Variants in KCNS3 observed in about 807,000 individuals in gnomAD.
KCNS3 encodes the protein delayed-rectifier potassium channel regulatory subunit KCNS3.
Under a neutral mutation model 31.0 loss-of-function variants are expected in KCNS3, and 13 were observed. That is an observed-to-expected ratio of 0.42 (90% CI 0.27 to 0.67). The LOEUF is 0.67. Ranked by LOEUF, KCNS3 falls within the 30% of genes least tolerant of loss-of-function variation. The pLI, the probability that KCNS3 is intolerant of heterozygous loss-of-function variation, is 0.25. For missense variants in KCNS3, 545 were observed against 622.4 expected, an observed-to-expected ratio of 0.88 and a Z score of 1.32; for synonymous variants, 238 against 241.5, an observed-to-expected ratio of 0.99 and a Z score of 0.13.
chr2:17,879,235 T>G (rs1192662101), intron 1 of KCNS3: 1 of 152,146 alleles, frequency 6.6e-6, no homozygotes, highest in Non-Finnish European at 1.5e-5. Flanking sequence ...GGGCGTTTCC[T>G]TGGCCGGGAA....
At chr2:17,888,673 A>ATATATATATG (rs1209333974) in intron 1 of KCNS3, among the ~76,000 whole-genome samples, 2 of 135,818 alleles carry the variant, frequency 1.5e-5, no homozygotes, top group Non-Finnish European at 3.2e-5. Flanking sequence ...ATATATATAT[A>ATATATATATG]AAGAAAAGGG....
At chr2:17,917,232 C>T (rs1221571815) in intron 1 of KCNS3, among the ~76,000 whole-genome samples, 2 of 152,154 alleles carry the variant, frequency 1.3e-5, no homozygotes, top group Non-Finnish European at 2.9e-5. Context: ...CAAATTAGAG[C>T]AGCAGTGTTA....
chr2:17,911,813 G>C (rs575971897), intron 1 of KCNS3, among the ~76,000 whole-genome samples: 1 of 152,210 alleles, frequency 6.6e-6, no homozygotes, highest in Non-Finnish European at 1.5e-5. Context: ...GAATCATGGA[G>C]TTGTCACTTA....
intron 1 of KCNS3, among the ~76,000 whole-genome samples, chr2:17,902,332 G>A (rs1483440554): frequency 1.6e-5 from 2 of 127,822 alleles, no homozygotes; most frequent in African/African-American, 6.0e-5. Flanking sequence ...GAGGTTGGGA[G>A]ACTGTGTGTG....
At chr2:17,898,929 G>A (rs1662096327) in intron 1 of KCNS3, among the ~76,000 whole-genome samples, 1 of 152,100 alleles carries the variant, frequency 6.6e-6, no homozygotes, top group Non-Finnish European at 1.5e-5. Flanking sequence ...GCAATACTTA[G>A]TGAAAAAATA....
chr2:17,932,517 T>G lies in KCNS3; in HGVS notation c.*33T>G. ...TGTTTGTGCCTGTTTCTCTTATCCT[T>G]TCCCGACATTAGGTTAACACAGCTT... On this transcript the variant is annotated 3_prime_UTR_variant, in exon 3 of 3. Coordinates refer to ENST00000304101, the MANE Select transcript of KCNS3 (RefSeq NM_002252.5). 1 of 1,575,056 alleles carries G rather than the reference T, an allele frequency of 6.3e-7. No individual in the cohort carries two copies. Among genetic ancestry groups the G allele is most frequent in the Middle Eastern group, 1.8e-4 (1 of 5,710 alleles).
chr2:17,904,725 C>T (rs898018348), intron 1 of KCNS3, among the ~76,000 whole-genome samples: 14 of 152,164 alleles, frequency 9.2e-5, no homozygotes, highest in Middle Eastern at 3.2e-3. Flanking sequence ...GAATCCTTTC[C>T]GCATTTCTTC....
chr2:17,896,813 G>T (rs1662039880), intron 1 of KCNS3, among the ~76,000 whole-genome samples: 1 of 152,174 alleles, frequency 6.6e-6, no homozygotes, highest in Non-Finnish European at 1.5e-5. Flanking sequence ...GACCTCTAGA[G>T]TGAGTTCTTT....
rs1419571584 is a variant in KCNS3, at chr2:17,931,567, A to G, written c.559A>G (p.Ile187Val). 3.1e-6 allele frequency: 5 copies of G among 1,614,200 alleles called. No individual in the cohort carries two copies. The highest frequency in any genetic ancestry group is 8.5e-7 in the Non-Finnish European group (1 of 1,180,028). Residue 187 changes from isoleucine (I) to valine (V), a missense_variant, in exon 3 of 3, where the codon ATC becomes GTC. By Grantham distance (29) the Ile-to-Val change is conservative. Coordinates refer to ENST00000304101, the MANE Select transcript of KCNS3 (RefSeq NM_002252.5). The surrounding 1 kb of genome is among the most constrained non-coding windows in gnomAD (Gnocchi z 5.4). The part of the protein sequence containing the change: ...NPAYCLSAKL[I>V]AISSLSVVLA... ...AGCGTACTGCCTGTCCGCTAAGCTTATCGCTATCTCCTCCTTGAGCGTGGT... is the reference window on the plus strand; with the variant it reads ...AGCGTACTGCCTGTCCGCTAAGCTTGTCGCTATCTCCTCCTTGAGCGTGGT...
intron 2 of KCNS3, among the ~76,000 whole-genome samples, chr2:17,926,273 C>T (rs998906317): frequency 3.3e-5 from 5 of 152,228 alleles, no homozygotes; most frequent in African/African-American, 1.2e-4. Flanking sequence ...CTTTCATGGA[C>T]TGGTGTTGAG....
intron 1 of KCNS3, among the ~76,000 whole-genome samples, chr2:17,913,413 C>G (rs946277617): frequency 1.1e-4 from 16 of 152,244 alleles, no homozygotes; most frequent in African/African-American, 3.6e-4. Context: ...GGCTATAGAT[C>G]TGAAACTAGA....
intron 1 of KCNS3, among the ~76,000 whole-genome samples, chr2:17,913,562 C>T (rs565209345): frequency 6.6e-5 from 10 of 152,338 alleles, no homozygotes; most frequent in South Asian, 2.1e-4. Flanking sequence ...TATCTTTCTT[C>T]ATTTTTAAAG....
At chr2:17,882,652 A>G (rs1334427945) in intron 1 of KCNS3, among the ~76,000 whole-genome samples, 1 of 152,008 alleles carries the variant, frequency 6.6e-6, no homozygotes, top group Non-Finnish European at 1.5e-5. Flanking sequence ...GCTGGGGAGG[A>G]GGAGAAAGAG....
intron 1 of KCNS3, among the ~76,000 whole-genome samples, chr2:17,906,533 G>A (rs531454881): frequency 6.6e-6 from 1 of 152,236 alleles, no homozygotes; most frequent in South Asian, 2.1e-4. Flanking sequence ...TGCTTCTCTA[G>A]TTCTTTTAAT....
chr2:17,907,318 C>A (rs1331425507), intron 1 of KCNS3, among the ~76,000 whole-genome samples: 1 of 152,146 alleles, frequency 6.6e-6, no homozygotes, highest in Non-Finnish European at 1.5e-5. Flanking sequence ...CTTGGTAGAT[C>A]TTCCTCCATC....
intron 1 of KCNS3, among the ~76,000 whole-genome samples, chr2:17,912,021 G>T (rs1662481499): frequency 6.6e-6 from 1 of 152,122 alleles, no homozygotes; most frequent in African/African-American, 2.4e-5. Context: ...ATTTTTAATG[G>T]CTACAGAGTA....
intron 1 of KCNS3, among the ~76,000 whole-genome samples, chr2:17,904,294 G>T (rs1572489075): frequency 2.1e-5 from 3 of 144,610 alleles, no homozygotes; most frequent in Admixed American, 7.4e-5. Flanking sequence ...TCGCCCACTT[G>T]TTGATGGGGT....
rs534077074 is a variant in KCNS3 at position 17,932,355 on chromosome 2, C to G, written c.1347C>G (p.His449Gln). ...NIRDIYAQRMHTFITSLSSVG... is the reference protein window; with the variant it reads ...NIRDIYAQRMQTFITSLSSVG... ...GGGATATATATGCACAGCGGATGCACACCTTCATTACCAGTCTCTCTTCTG... is the reference window on the plus strand; with the variant it reads ...GGGATATATATGCACAGCGGATGCAGACCTTCATTACCAGTCTCTCTTCTG... Residue 449 changes from histidine to glutamine, a missense_variant, in exon 3 of 3, where the codon CAC (histidine) becomes CAG (glutamine). Transcript: ENST00000304101. The G allele has an allele frequency of 6.2e-7, 1 of 1,614,054 alleles. No homozygotes were observed. Among genetic ancestry groups the G allele is most frequent in the East Asian group, 2.2e-5 (1 of 44,872 alleles).
At chr2:17,925,455 TCA>T (rs1558459855) in intron 2 of KCNS3, among the ~76,000 whole-genome samples, 1 of 152,210 alleles carries the variant, frequency 6.6e-6, no homozygotes, top group African/African-American at 2.4e-5. Context: ...TAATCTGTTT[TCA>T]CGCTGCTATA....
Sources: allele counts gnomAD v4.1 joint callset (sites outside exome capture counted in the v4.1 genomes callset), GRCh38; gene constraint gnomAD v4.1.1; non-coding constraint Gnocchi (gnomAD v3.1); transcripts MANE v1.5; gene names NCBI Gene and HGNC (gene_info 2026-07-23, HGNC 2026-07-21).